The following ADAM23 variants were observed in gnomAD, a reference collection of about 807,000 sequenced individuals.
The protein encoded by ADAM23 is ADAM metallopeptidase domain 23.
Under a neutral mutation model 120.1 loss-of-function variants are expected in ADAM23, and 33 were observed. The ratio of observed to expected loss-of-function variants is 0.27; its 90% CI spans 0.21 to 0.37. The LOEUF (loss-of-function observed/expected upper bound fraction) is 0.37. Ranked by LOEUF, ADAM23 falls within the 10% of genes least tolerant of loss-of-function variation. The pLI is 1.00. For synonymous variants in ADAM23, 367 were observed against 375.2 expected, an observed-to-expected ratio of 0.98 and a Z score of 0.25; for missense variants, 862 against 1,058.2, an observed-to-expected ratio of 0.81 and a Z score of 2.57.
At chr2:206,566,005 A>T (rs576000503) in intron 14 of ADAM23, among the ~76,000 whole-genome samples, 41 of 152,092 alleles carry the variant, frequency 2.7e-4, no homozygotes, top group African/African-American at 9.6e-4. Flanking sequence ...AAAACGTGAA[A>T]CCCTTAGCTT....
chr2:206,495,681 C>T (rs2105889079), intron 3 of ADAM23, among the ~76,000 whole-genome samples: 1 of 152,258 alleles, frequency 6.6e-6, no homozygotes, highest in South Asian at 2.1e-4. Context: ...GGGCTAAATG[C>T]TCCAATTAAA....
At chr2:206,470,439 A>G (rs750671850) in intron 2 of ADAM23, among the ~76,000 whole-genome samples, 6 of 152,194 alleles carry the variant, frequency 3.9e-5, no homozygotes, top group Non-Finnish European at 8.8e-5. Context: ...AAAATTGTGC[A>G]AATACAGGTT....
chr2:206,575,050 A>G (rs749582047), intron 18 of ADAM23, among the ~76,000 whole-genome samples: 3 of 152,134 alleles, frequency 2.0e-5, no homozygotes, highest in Non-Finnish European at 4.4e-5. Flanking sequence ...AAATAAGGCA[A>G]AGTGGAAAGA....
intron 3 of ADAM23, among the ~76,000 whole-genome samples, chr2:206,530,134 G>A (rs1204805075): frequency 6.6e-6 from 1 of 151,946 alleles, no homozygotes; most frequent in Non-Finnish European, 1.5e-5. Context: ...TTTAATGGTT[G>A]AAAAAAATCA....
intron 6 of ADAM23, among the ~76,000 whole-genome samples, chr2:206,543,721 C>A (rs1697339534): frequency 6.6e-6 from 1 of 151,960 alleles, no homozygotes; most frequent in South Asian, 2.1e-4. Flanking sequence ...AAATGTCCAT[C>A]AATCAGCAAG....
chr2:206,527,037 T>C (rs1316551523), intron 3 of ADAM23, among the ~76,000 whole-genome samples: 1 of 152,162 alleles, frequency 6.6e-6, no homozygotes, highest in Non-Finnish European at 1.5e-5. Flanking sequence ...AGGTCACTCC[T>C]CTTTCAACAG....
At chr2:206,498,636 C>T (rs990672373) in intron 3 of ADAM23, among the ~76,000 whole-genome samples, 1 of 152,052 alleles carries the variant, frequency 6.6e-6, no homozygotes, top group Non-Finnish European at 1.5e-5. Context: ...GCAACAAAAG[C>T]CAAAATTGAC....
chr2:206,496,272 A>G (rs1191076456), intron 3 of ADAM23, among the ~76,000 whole-genome samples: 10 of 152,204 alleles, frequency 6.6e-5, no homozygotes, highest in South Asian at 4.1e-4. Flanking sequence ...CTCAGCAAAT[A>G]TAAAAGAACA....
chr2:206,451,210 T>G (rs1156816008), intron 2 of ADAM23, among the ~76,000 whole-genome samples: 1 of 152,166 alleles, frequency 6.6e-6, no homozygotes, highest in African/African-American at 2.4e-5. Flanking sequence ...TAGCAGGTTA[T>G]TTGGGTGGTG....
At chr2:206,509,598 G>T (rs1338600390) in intron 3 of ADAM23, among the ~76,000 whole-genome samples, 1 of 152,050 alleles carries the variant, frequency 6.6e-6, no homozygotes, top group African/African-American at 2.4e-5. Flanking sequence ...ACAGGCATGC[G>T]CCATCACGCC....
chr2:206,492,774 A>T (rs1445940593), intron 3 of ADAM23, among the ~76,000 whole-genome samples: 1 of 151,954 alleles, frequency 6.6e-6, no homozygotes, highest in Non-Finnish European at 1.5e-5. Flanking sequence ...CCCTGAAAAG[A>T]CCCCACCTCT....
intron 3 of ADAM23, among the ~76,000 whole-genome samples, chr2:206,485,114 T>C (rs545138682): frequency 2.0e-5 from 3 of 152,230 alleles, no homozygotes. Context: ...TCCCCCATGC[T>C]GTCCTGAGCT....
At chr2:206,471,643 T>A (rs1446402949) in intron 2 of ADAM23, among the ~76,000 whole-genome samples, 1 of 152,204 alleles carries the variant, frequency 6.6e-6, no homozygotes, top group Non-Finnish European at 1.5e-5. Context: ...TGTTCAATAA[T>A]TCTGGCTAGA....
At chr2:206,583,174 G>A (rs1263009798) in intron 18 of ADAM23, among the ~76,000 whole-genome samples, 1 of 152,162 alleles carries the variant, frequency 6.6e-6, no homozygotes, top group Non-Finnish European at 1.5e-5. Context: ...TCTTCCTCCG[G>A]CCGGGCACAG....
At chr2:206,553,224 A>AAT (rs1389086162) in intron 9 of ADAM23, among the ~76,000 whole-genome samples, 3 of 152,176 alleles carry the variant, frequency 2.0e-5, no homozygotes, top group East Asian at 3.9e-4. Context: ...CTAAAATATA[A>AAT]ATATATATAT....
rs973188984 is a variant in ADAM23 at position 206,618,603 on chromosome 2, A to T, written c.*976A>T. On this transcript the variant is annotated 3_prime_UTR_variant, in exon 26 of 26. Coordinates refer to ENST00000264377, the MANE Select transcript of ADAM23 (RefSeq NM_003812.4). ...CCTTCTCTCTTGTAACGTGTTATAC[A>T]ATGACTCTTGGGCTTGCTTAAAAAG... 2 of 152,090 alleles carry T rather than the reference A, an allele frequency of 1.3e-5. No individual in the cohort carries two copies. Among genetic ancestry groups the T allele is most frequent in the Non-Finnish European group, 2.9e-5 (2 of 68,036 alleles). The allele number at this position is 152,090 out of a possible 1,614,324, so 9.4% of individuals were successfully genotyped here. A position where few individuals can be genotyped will look rare whatever the true frequency, so the allele number is the denominator to read the frequency against.
intron 3 of ADAM23, among the ~76,000 whole-genome samples, chr2:206,508,056 G>A (rs1009971134): frequency 3.3e-5 from 5 of 151,920 alleles, no homozygotes; most frequent in Non-Finnish European, 7.4e-5. Flanking sequence ...TTGAGACGGA[G>A]TCTCGCTCTG....
At position 206,519,212 on chromosome 2, in the gene ADAM23, G is replaced by A. The variant is rs548622037; in HGVS notation, c.510-11673G>A. ...ACAGTGAAAAAGGGCCGGTTAGCAC[G>A]CTCATAAACAACACTGAATCTGAAA... On this transcript the variant is annotated intron_variant, in intron 3 of 25. Transcript: ENST00000264377. Among the ~76,000 whole-genome samples the A allele has an allele frequency of 9.2e-5, 14 of 152,244 alleles. No homozygotes were observed. In the South Asian group the frequency reaches 2.7e-3, roughly 29 times the overall value.
chr2:206,543,120 C>T (rs2105807783), intron 5 of ADAM23, 133 bp from the exon 6 acceptor site: 1 of 749,438 alleles, frequency 1.3e-6, no homozygotes, highest in Non-Finnish European at 2.2e-6. Flanking sequence ...GTGAATTAAA[C>T]TTGTGACAGT....
Sources: gnomAD v4.1 joint callset for allele counts (sites outside exome capture counted in the v4.1 genomes callset) on GRCh38, gnomAD v4.1.1 for gene constraint, MANE v1.5 for transcripts, NCBI Gene and HGNC (gene_info 2026-07-23, HGNC 2026-07-21) for gene names.